The following SLC75A1 variants were observed in gnomAD, a reference collection of about 807,000 sequenced individuals.
SLC75A1 encodes major facilitator superfamily domain containing 10.
At chr4:2,931,920 G>A in the SLC75A1 span, 2 of 1,609,762 alleles carry the variant, frequency 1.2e-6, no homozygotes, top group Non-Finnish European at 1.7e-6. Flanking sequence ...GGCCCAGGCG[G>A]CGCAGGCTGC....
the SLC75A1 span, chr4:2,931,943 A>G: frequency 5.6e-6 from 9 of 1,605,200 alleles, no homozygotes; most frequent in African/African-American, 1.3e-5. Flanking sequence ...AGCCCTGGGG[A>G]GAGGTGGCGC....
chr4:2,931,681 A>G, the SLC75A1 span: 11 of 1,606,410 alleles, frequency 6.8e-6, no homozygotes, highest in Non-Finnish European at 9.4e-6. Context: ...CGGGTGTGTT[A>G]GTGCAGGGCA....
chr4:2,933,854 C>T, the SLC75A1 span: 2 of 1,586,720 alleles, frequency 1.3e-6, no homozygotes, highest in African/African-American at 2.7e-5. Context: ...ACGGTGACCA[C>T]GCGGCGCTCC....
At chr4:2,933,344 G>A in the SLC75A1 span, 4 of 993,518 alleles carry the variant, frequency 4.0e-6, no homozygotes, top group African/African-American at 4.9e-5. Context: ...CATGGCCCTT[G>A]AGCCGAGGGG....
chr4:2,934,749 C>T, the SLC75A1 span: 2 of 140,970 alleles, frequency 1.4e-5, no homozygotes, highest in Admixed American at 1.4e-4. Flanking sequence ...ACCCCGGGCG[C>T]CCCCGGTCCC....
chr4:2,931,475 G>A, the SLC75A1 span: 4 of 1,578,954 alleles, frequency 2.5e-6, no homozygotes, highest in Admixed American at 3.7e-5. Flanking sequence ...CCTGCAGGTG[G>A]GCACGGCAGC....
chr4:2,932,404 C>G, the SLC75A1 span: 1 of 1,613,584 alleles, frequency 6.2e-7, no homozygotes. Context: ...AACAGCAGGT[C>G]GGAGGCTGCG....
chr4:2,933,172 CAG>C, the SLC75A1 span: 2 of 1,613,712 alleles, frequency 1.2e-6, no homozygotes, highest in Non-Finnish European at 1.7e-6. Flanking sequence ...GTGGCGCACA[CAG>C]AAACTGCAGG....
chr4:2,933,920 C>T, the SLC75A1 span: 4 of 1,562,082 alleles, frequency 2.6e-6, no homozygotes, highest in Non-Finnish European at 2.6e-6. Flanking sequence ...CCTCCCCATC[C>T]CATGGTGGGC....
the SLC75A1 span, chr4:2,931,032 C>T: frequency 6.8e-6 from 11 of 1,610,376 alleles, no homozygotes; most frequent in East Asian, 4.5e-5. Context: ...TGGCCCCCAG[C>T]CTGCCCCAGC....
chr4:2,932,624 C>T, the SLC75A1 span: 19 of 1,613,104 alleles, frequency 1.2e-5, no homozygotes, highest in East Asian at 1.3e-4. Flanking sequence ...GGGCCAGAGG[C>T]GAGCCCAGGT....
At chr4:2,932,744 G>A in the SLC75A1 span, 20 of 1,573,894 alleles carry the variant, frequency 1.3e-5, no homozygotes, top group East Asian at 2.2e-5. Flanking sequence ...CTGCATATGA[G>A]GTGGCCACAC....
the SLC75A1 span, chr4:2,933,029 C>T: frequency 7.0e-7 from 1 of 1,430,746 alleles, no homozygotes; most frequent in African/African-American, 1.4e-5. Flanking sequence ...CCACCTCCCT[C>T]TCCCCACCTA....
chr4:2,930,639 C>A, the SLC75A1 span: 1 of 604,294 alleles, frequency 1.7e-6, no homozygotes, highest in Non-Finnish European at 2.9e-6. Flanking sequence ...GAAGCCCTGA[C>A]AGCCTTGGAG....
At chr4:2,932,649 G>A in the SLC75A1 span, 150 of 1,612,752 alleles carry the variant, frequency 9.3e-5, no homozygotes, top group East Asian at 2.6e-3. Flanking sequence ...AACGATGGCC[G>A]TGGAGAGGCT....
chr4:2,932,346 C>T, the SLC75A1 span: 1 of 1,611,642 alleles, frequency 6.2e-7, no homozygotes, highest in Non-Finnish European at 8.5e-7. Flanking sequence ...AGACCACAGC[C>T]CTACCCGTTT....
chr4:2,931,533 C>T, the SLC75A1 span: 105 of 1,605,140 alleles, frequency 6.5e-5, no homozygotes, highest in East Asian at 6.7e-5. Flanking sequence ...GCCTGCCACC[C>T]GCTTTGGAGG....
the SLC75A1 span, chr4:2,931,090 C>T: frequency 1.3e-6 from 2 of 1,596,338 alleles, no homozygotes; most frequent in Non-Finnish European, 8.5e-7. Flanking sequence ...CCCCGCGGCC[C>T]TGGCCAGAGC....
At chr4:2,932,378 C>T in the SLC75A1 span, 3 of 1,613,404 alleles carry the variant, frequency 1.9e-6, no homozygotes, top group Non-Finnish European at 2.5e-6. Flanking sequence ...GCGTCTCTGG[C>T]AGGAAGCAGA....
Sources: gnomAD v4.1 joint callset for allele counts on GRCh38, gnomAD v4.1.1 for gene constraint, MANE v1.5 for transcripts, NCBI Gene and HGNC (gene_info 2026-07-23, HGNC 2026-07-21) for gene names.